Variants in MCUB observed in about 807,000 individuals in gnomAD.
The protein encoded by MCUB is calcium uniporter regulatory subunit MCUb, mitochondrial.
In MCUB, 46 loss-of-function variants were observed where a neutral mutation model predicts 41.4. That is an observed-to-expected ratio of 1.11 (90% CI 0.88 to 1.42). The LOEUF is 1.42. Ranked by LOEUF, MCUB falls within the 40% of genes most tolerant of loss-of-function variation. The pLI is 0.00. For synonymous variants in MCUB, 148 were observed against 148.2 expected, an observed-to-expected ratio of 1.00 and a Z score of 0.01; for missense variants, 403 against 404.9, an observed-to-expected ratio of 1.00 and a Z score of 0.04.
In MCUB at chr4:109,684,270, A is replaced by G. The variant is rs201361960; in HGVS notation, c.613-173A>G. ...GTAGAGACGGGGTTTCACCATGTTAACCAGGATGGTCTCGATCTCCTGACC... is the reference window on the plus strand; with the variant it reads ...GTAGAGACGGGGTTTCACCATGTTAGCCAGGATGGTCTCGATCTCCTGACC... On this transcript the variant is annotated intron_variant, in intron 5 of 7. Transcript: ENST00000394650. 4.6e-5 allele frequency among the ~76,000 whole-genome samples: 7 copies of G among 151,958 alleles called. No homozygotes were observed. The South Asian group carries it at 8.3e-4, about 18-fold the overall frequency.
intron 3 of MCUB, among the ~76,000 whole-genome samples, chr4:109,662,221 A>G (rs1273334940): frequency 1.3e-5 from 2 of 152,254 alleles, no homozygotes; most frequent in Admixed American, 1.3e-4. Flanking sequence ...CCTATGGCAC[A>G]ATGGGCTTCC....
intron 1 of MCUB, among the ~76,000 whole-genome samples, chr4:109,591,674 C>G (rs979339449): frequency 6.6e-6 from 1 of 152,028 alleles, no homozygotes; most frequent in Non-Finnish European, 1.5e-5. Context: ...TGAGTTGTTT[C>G]TCCATCGTAT....
chr4:109,660,168 A>ATT (rs34754720), intron 2 of MCUB, 27 bp from the exon 3 acceptor site: 1,942 of 1,121,426 alleles, frequency 1.7e-3, no homozygotes, highest in East Asian at 2.5e-3. Context: ...AAATTTACTC[A>ATT]TTTTTTTTTC....
chr4:109,687,026 T>A (rs937956805), intron 7 of MCUB, among the ~76,000 whole-genome samples: 5 of 152,116 alleles, frequency 3.3e-5, no homozygotes, highest in African/African-American at 1.2e-4. Flanking sequence ...TATTTTTTTT[T>A]AAGGCATAAG....
rs186196593 is a variant in MCUB at position 109,673,329 on chromosome 4, A to G, written c.451+8935A>G. On this transcript the variant is annotated intron_variant, in intron 4 of 7. Coordinates refer to ENST00000394650, the MANE Select transcript of MCUB (RefSeq NM_017918.5). ...TCCCTCAAACCACCACATGGACCATAAGCCTTAGGTCTAAGTGGGATAAAG... is the reference window on the plus strand; with the variant it reads ...TCCCTCAAACCACCACATGGACCATGAGCCTTAGGTCTAAGTGGGATAAAG... Among the ~76,000 whole-genome samples the G allele has an allele frequency of 4.9e-3, 748 of 152,276 alleles. 2 individuals carry two copies. The highest frequency in any genetic ancestry group is 7.0e-3 in the Non-Finnish European group (475 of 68,002).
chr4:109,634,694 A>T (rs1029530900), intron 1 of MCUB, among the ~76,000 whole-genome samples: 5 of 152,130 alleles, frequency 3.3e-5, no homozygotes, highest in Admixed American at 6.5e-5. Flanking sequence ...TTGTTACTGT[A>T]TTCCATCTGA....
chr4:109,577,222 C>T (rs536000306), intron 1 of MCUB, among the ~76,000 whole-genome samples: 4 of 152,272 alleles, frequency 2.6e-5, no homozygotes, highest in East Asian at 3.9e-4. Flanking sequence ...TGGAAAAATC[C>T]TCAGTCCAGG....
chr4:109,656,708 A>C (rs1729111925), intron 1 of MCUB, among the ~76,000 whole-genome samples: 1 of 152,154 alleles, frequency 6.6e-6, no homozygotes, highest in Non-Finnish European at 1.5e-5. Context: ...TTATGCACAG[A>C]AAATTATCTG....
intron 4 of MCUB, among the ~76,000 whole-genome samples, chr4:109,671,763 T>G (rs1729464259): frequency 6.6e-6 from 1 of 152,212 alleles, no homozygotes; most frequent in African/African-American, 2.4e-5. Context: ...TGTTGTTGTT[T>G]TTTTCTTTGC....
chr4:109,607,676 T>G (rs538357194), intron 1 of MCUB, among the ~76,000 whole-genome samples: 1 of 152,084 alleles, frequency 6.6e-6, no homozygotes, highest in South Asian at 2.1e-4. Flanking sequence ...GGGTTAAAAG[T>G]TTTTTTTCCT....
chr4:109,666,343 TGA>T (rs1199928269), intron 4 of MCUB, among the ~76,000 whole-genome samples: 2 of 152,180 alleles, frequency 1.3e-5, no homozygotes, highest in Admixed American at 6.5e-5. Context: ...GCACATATGG[TGA>T]GAGTGTTTAG....
chr4:109,657,309 T>A (rs903448275), intron 1 of MCUB, among the ~76,000 whole-genome samples: 2 of 152,208 alleles, frequency 1.3e-5, no homozygotes, highest in Non-Finnish European at 2.9e-5. Context: ...CTATGTTGTG[T>A]TTAATACTAA....
chr4:109,597,625 C>T (rs574484087), intron 1 of MCUB, among the ~76,000 whole-genome samples: 1,568 of 140,000 alleles, frequency 0.011, 26 homozygotes, highest in African/African-American at 0.035. Context: ...GGCAGCTGGC[C>T]GGGCGGGGGG....
chr4:109,593,181 G>T (rs28552077), intron 1 of MCUB, among the ~76,000 whole-genome samples: 1 of 152,126 alleles, frequency 6.6e-6, no homozygotes, highest in Non-Finnish European at 1.5e-5. Context: ...CAGTTAGGAT[G>T]ATACCCAAAG....
chr4:109,652,459 A>G lies in MCUB; in HGVS notation c.100-6552A>G, dbSNP rs540473075. Among the ~76,000 whole-genome samples, 23 of 152,304 alleles carry G rather than the reference A, an allele frequency of 1.5e-4. No homozygotes were observed. In the South Asian group the frequency reaches 4.4e-3, roughly 29 times the overall value. ...CTGTAACAGAACCATAGACTGGGTA[A>G]TTAATAATGAACAGAAATGTATTTA... On this transcript the variant is annotated intron_variant, in intron 1 of 7. Transcript: ENST00000394650.
At chr4:109,566,384 G>A (rs902302083) in intron 1 of MCUB, among the ~76,000 whole-genome samples, 2 of 150,868 alleles carry the variant, frequency 1.3e-5, no homozygotes, top group Non-Finnish European at 3.0e-5. Flanking sequence ...GCAGGAGAAT[G>A]ACATGAACCC....
At chr4:109,617,196 G>T (rs1319989720) in intron 1 of MCUB, among the ~76,000 whole-genome samples, 1 of 152,228 alleles carries the variant, frequency 6.6e-6, no homozygotes, top group Non-Finnish European at 1.5e-5. Context: ...CAATTGGCCT[G>T]TTGGCTGTTA....
rs115028432 is a variant in MCUB at position 109,633,000 on chromosome 4, T to A, written c.100-26011T>A. On this transcript the variant is annotated intron_variant, in intron 1 of 7. Transcript: ENST00000394650. ...TGAATGTCAAGCCCTGAGGCTGATA[T>A]GCCAAAATAATGATTATGAAACTAC... 4.8e-3 allele frequency among the ~76,000 whole-genome samples: 733 copies of A among 152,292 alleles called. 8 individuals are homozygous for A. Among genetic ancestry groups the A allele is most frequent in the African/African-American group, 0.017 (713 of 41,564 alleles).
intron 1 of MCUB, among the ~76,000 whole-genome samples, chr4:109,589,083 G>A (rs1727374764): frequency 1.3e-5 from 2 of 152,186 alleles, no homozygotes; most frequent in Non-Finnish European, 2.9e-5. Context: ...AATTATTTTT[G>A]TGTAACTATG....
Sources: gnomAD v4.1 joint callset for allele counts (sites outside exome capture counted in the v4.1 genomes callset) on GRCh38, gnomAD v4.1.1 for gene constraint, MANE v1.5 for transcripts, NCBI Gene and HGNC (gene_info 2026-07-23, HGNC 2026-07-21) for gene names.